ZNF326: variants seen among roughly 807,000 people sequenced by gnomAD.
The protein encoded by ZNF326 is DBIRD complex subunit ZNF326.
Under a neutral mutation model 63.1 loss-of-function variants are expected in ZNF326, and 30 were observed. That is an observed-to-expected ratio of 0.48 (90% CI 0.36 to 0.64). ZNF326 has a LOEUF of 0.64. Ranked by LOEUF, ZNF326 falls within the 30% of genes least tolerant of loss-of-function variation. ZNF326 has a pLI of 0.00. For missense variants in ZNF326, 609 were observed against 720.3 expected (o/e 0.85, Z 1.77); for synonymous variants, 194 against 228.2 (o/e 0.85, Z 1.35).
intron 2 of ZNF326, among the ~76,000 whole-genome samples, chr1:90,002,435 TTC>T (rs1482625096): frequency 2.0e-5 from 3 of 152,210 alleles, no homozygotes; most frequent in African/African-American, 7.2e-5. Context: ...TAAGATTTTT[TTC>T]TCTGTGTACC....
At chr1:90,011,980 A>G (rs769998395) in intron 6 of ZNF326, among the ~76,000 whole-genome samples, 3 of 151,952 alleles carry the variant, frequency 2.0e-5, no homozygotes, top group African/African-American at 2.4e-5. Flanking sequence ...GGGACTACAG[A>G]TGTGCACCAC....
At chr1:90,013,096 T>G (rs1157164888) in intron 6 of ZNF326, 30 bp from the exon 7 acceptor site, 1 of 1,568,772 alleles carries the variant, frequency 6.4e-7, no homozygotes, top group Non-Finnish European at 8.7e-7. Context: ...AAATGAATTT[T>G]AGCTTTTACT....
At chr1:89,997,552 C>T (rs1648444708) in intron 1 of ZNF326, among the ~76,000 whole-genome samples, 1 of 151,946 alleles carries the variant, frequency 6.6e-6, no homozygotes, top group African/African-American at 2.4e-5. Context: ...TTTTATATTT[C>T]CAGTAGAGAA....
At position 90,000,571 on chromosome 1, in the gene ZNF326, G is replaced by A. The variant is rs1251678631; in HGVS notation, c.61+2417G>A. Among the ~76,000 whole-genome samples the A allele has an allele frequency of 2.0e-5, 3 of 152,094 alleles. No individual in the cohort carries two copies. In the East Asian group the frequency reaches 5.8e-4, roughly 29 times the overall value. ...TTTAAAAACATTAGCCAGGCGTGGT[G>A]GTGCCCCCCTATAGTTCCAGTTACT... On this transcript the variant is annotated intron_variant, in intron 2 of 11. Coordinates refer to ENST00000340281, the MANE Select transcript of ZNF326 (RefSeq NM_182976.4).
chr1:90,028,004 A>T lies in ZNF326; in HGVS notation c.*303A>T. 3.4e-6 allele frequency: 1 copy of T among 292,346 alleles called. No individual in the cohort carries two copies. The highest frequency in any genetic ancestry group is 6.4e-6 in the Non-Finnish European group (1 of 157,228). 18.1% of individuals were successfully genotyped at this position (292,346 alleles called of 1,614,324 possible). ...ACAAATGTGTATTGTTAGTATATCT[A>T]TTCTAATCATTTTATCTTAAATGCT... is the stretch of plus-strand genomic sequence containing the variant. On this transcript the variant is annotated 3_prime_UTR_variant, in exon 12 of 12. Transcript: ENST00000340281.
chr1:90,027,944 G>A lies in ZNF326; in HGVS notation c.*243G>A, dbSNP rs950566273. ...GATAAATTGTTTGTATAATTTTTAA[G>A]CTTAATTTTTATTACTTTATTGGTG... is the stretch of plus-strand genomic sequence containing the variant. On this transcript the variant is annotated 3_prime_UTR_variant, in exon 12 of 12. Coordinates refer to ENST00000340281, the MANE Select transcript of ZNF326 (RefSeq NM_182976.4). 4.2e-6 allele frequency: 2 copies of A among 479,540 alleles called. No individual in the cohort carries two copies. The highest frequency in any genetic ancestry group is 2.8e-5 in the South Asian group (1 of 35,436). 29.7% of individuals were successfully genotyped at this position (479,540 alleles called of 1,614,324 possible). A position where few individuals can be genotyped will look rare whatever the true frequency, so the allele number is the denominator to read the frequency against.
chr1:90,029,167 T>C lies in ZNF326; in HGVS notation c.*1466T>C, dbSNP rs1650157720. ...GGCATCGAATGGATAAATGGATGGA[T>C]ATATCAAATTGTAAGGTATTAAGTG... On this transcript the variant is annotated 3_prime_UTR_variant, in exon 12 of 12. Coordinates refer to ENST00000340281, the MANE Select transcript of ZNF326 (RefSeq NM_182976.4). 1 of 152,178 alleles carries C rather than the reference T, an allele frequency of 6.6e-6. No individual in the cohort carries two copies. The highest frequency in any genetic ancestry group is 1.5e-5 in the Non-Finnish European group (1 of 68,038). The allele number at this position is 152,178 out of a possible 1,614,324, so 9.4% of individuals were successfully genotyped here. A position where few individuals can be genotyped will look rare whatever the true frequency, so the allele number is the denominator to read the frequency against.
At chr1:90,019,131 G>A (rs1649638711) in intron 9 of ZNF326, among the ~76,000 whole-genome samples, 1 of 151,146 alleles carries the variant, frequency 6.6e-6, no homozygotes, top group Non-Finnish European at 1.5e-5. Flanking sequence ...TCCATCTCTG[G>A]AGTCTGTAAA....
chr1:90,021,965 G>C (rs1436675270), intron 10 of ZNF326, among the ~76,000 whole-genome samples: 1 of 152,060 alleles, frequency 6.6e-6, no homozygotes, highest in Non-Finnish European at 1.5e-5. Context: ...TGGGGGCTGG[G>C]GAGGCAGATG....
chr1:90,035,119 G>T lies in ZNF326; in HGVS notation c.*7418G>T, dbSNP rs1342533165. ...TGTAACTTGGCTAAGGACTAGGAAG[G>T]TCTTCCAGAAAGCTTCATCAAACAT... On this transcript the variant is annotated 3_prime_UTR_variant, in exon 12 of 12. Transcript: ENST00000340281. 4 of 152,208 alleles carry T rather than the reference G, an allele frequency of 2.6e-5. No homozygotes were observed. Among genetic ancestry groups the T allele is most frequent in the East Asian group, 1.9e-4 (1 of 5,200 alleles). The allele number at this position is 152,208 out of a possible 1,614,324, so 9.4% of individuals were successfully genotyped here. A position where few individuals can be genotyped will look rare whatever the true frequency, so the allele number is the denominator to read the frequency against.
intron 4 of ZNF326, chr1:90,005,716 G>A (rs1405489869): frequency 1.0e-6 from 1 of 984,812 alleles, no homozygotes; most frequent in Non-Finnish European, 1.2e-6. Context: ...AAACATTCAG[G>A]ACATATTCCT....
chr1:90,019,579 G>T (rs1003700202), intron 9 of ZNF326, among the ~76,000 whole-genome samples: 2 of 151,900 alleles, frequency 1.3e-5, no homozygotes, highest in Admixed American at 1.3e-4. Flanking sequence ...TGGTTTCTCT[G>T]CCACTCTTTT....
At chr1:90,026,637 C>G (rs150577622) in intron 11 of ZNF326, among the ~76,000 whole-genome samples, 1 of 152,190 alleles carries the variant, frequency 6.6e-6, no homozygotes, top group African/African-American at 2.4e-5. Context: ...AGAGTAGCCT[C>G]CTCACTAGTA....
chr1:90,005,284 A>G lies in ZNF326; in HGVS notation c.209+40A>G, dbSNP rs138516212. The G allele has an allele frequency of 7.8e-5, 124 of 1,595,126 alleles. No homozygotes were observed. The African/African-American group carries it at 1.5e-3, about 19-fold the overall frequency. ...CATTTGGCCAAATAATTAGACAACT[A>G]TAAGATTTTGGATATATTATTTTAA... is the stretch of plus-strand genomic sequence containing the variant. On this transcript the variant is annotated intron_variant, in intron 4 of 11. Transcript: ENST00000340281.
intron 11 of ZNF326, among the ~76,000 whole-genome samples, chr1:90,026,211 C>T (rs770241512): frequency 2.6e-5 from 4 of 152,154 alleles, no homozygotes; most frequent in Non-Finnish European, 5.9e-5. Context: ...GATCCACCCG[C>T]CTCAGCCTTG....
rs948630197 is a variant in ZNF326 at position 90,006,349 on chromosome 1, T to A, written c.210-996T>A. ...ATATGTCAGTTATTGCCCTTTTATATTGTGAATGTAATGTGCATAAGCTAT... is the reference window on the plus strand; with the variant it reads ...ATATGTCAGTTATTGCCCTTTTATAATGTGAATGTAATGTGCATAAGCTAT... On this transcript the variant is annotated intron_variant, in intron 4 of 11. Transcript: ENST00000340281. 3 of 980,124 alleles carry A rather than the reference T, an allele frequency of 3.1e-6. No homozygotes were observed. The Admixed American group carries it at 1.8e-4, about 60-fold the overall frequency. 60.7% of individuals were successfully genotyped at this position (980,124 alleles called of 1,614,324 possible). A position where few individuals can be genotyped will look rare whatever the true frequency, so the allele number is the denominator to read the frequency against.
chr1:90,010,865 T>G (rs1333955582), intron 6 of ZNF326, among the ~76,000 whole-genome samples: 2 of 152,174 alleles, frequency 1.3e-5, no homozygotes, highest in Non-Finnish European at 2.9e-5. Flanking sequence ...TACTTTCTCA[T>G]CAGGCCTTAT....
chr1:90,027,329 T>G, intron 11 of ZNF326, 25 bp from the exon 12 acceptor site: 1 of 1,605,544 alleles, frequency 6.2e-7, no homozygotes, highest in Non-Finnish European at 8.5e-7. Flanking sequence ...GTGCTGATTT[T>G]GAAAGCCATT....
intron 6 of ZNF326, among the ~76,000 whole-genome samples, chr1:90,012,021 G>C (rs920583750): frequency 1.4e-4 from 22 of 152,048 alleles, no homozygotes; most frequent in Admixed American, 1.4e-3. Context: ...ATCTTGAGTA[G>C]AGATGGTTTC....
Sources: gnomAD v4.1 joint callset for allele counts (sites outside exome capture counted in the v4.1 genomes callset) on GRCh38, gnomAD v4.1.1 for gene constraint, MANE v1.5 for transcripts, NCBI Gene and HGNC (gene_info 2026-07-23, HGNC 2026-07-21) for gene names.